The following SNTG1 variants were observed in gnomAD, a reference collection of about 807,000 sequenced individuals.
SNTG1 encodes syntrophin gamma 1.
Under a neutral mutation model 74.7 loss-of-function variants are expected in SNTG1, and 39 were observed. The ratio of observed to expected loss-of-function variants is 0.52; its 90% CI spans 0.40 to 0.68. SNTG1 has a LOEUF of 0.68. Among genes scored for constraint, SNTG1 ranks in the 30% least tolerant of loss-of-function variants. The pLI, the probability that SNTG1 is intolerant of heterozygous loss-of-function variation, is 0.00. For missense variants in SNTG1, 685 were observed against 609.5 expected (o/e 1.12, Z -1.30); for synonymous variants, 254 against 217.1 (o/e 1.17, Z -1.49).
At chr8:50,006,205 C>T (rs1406067485) in intron 1 of SNTG1, among the ~76,000 whole-genome samples, 2 of 152,072 alleles carry the variant, frequency 1.3e-5, no homozygotes, top group African/African-American at 4.8e-5. Flanking sequence ...TTGTGATCCA[C>T]CGGCCTCAGC....
At chr8:50,752,144 T>C (rs1045797532) in intron 18 of SNTG1, 33 bp downstream of exon 18, 1 of 1,198,536 alleles carries the variant, frequency 8.3e-7, no homozygotes, top group South Asian at 1.8e-5. Flanking sequence ...ATAACACCTC[T>C]AACTACATTA....
intron 1 of SNTG1, among the ~76,000 whole-genome samples, chr8:50,008,998 T>C (rs2130541651): frequency 6.7e-6 from 1 of 149,334 alleles, no homozygotes; most frequent in East Asian, 2.0e-4. Context: ...TTGCCTCTTA[T>C]AGGGAATCAA....
intron 9 of SNTG1, among the ~76,000 whole-genome samples, chr8:50,514,416 T>C (rs2094114045): frequency 1.3e-5 from 2 of 152,202 alleles, no homozygotes; most frequent in African/African-American, 4.8e-5. Flanking sequence ...TTTTTGTATG[T>C]TGTGTTTCAT....
chr8:50,622,856 T>C (rs75130465), intron 13 of SNTG1, among the ~76,000 whole-genome samples: 6,543 of 152,208 alleles, frequency 0.043, 244 homozygotes, highest in African/African-American at 0.094. Flanking sequence ...AGATTTCAGT[T>C]ACATCTTCTC....
chr8:50,353,250 T>C (rs1459420713), intron 2 of SNTG1, among the ~76,000 whole-genome samples: 1 of 94,770 alleles, frequency 1.1e-5, no homozygotes, highest in Non-Finnish European at 2.0e-5. Context: ...CACTGGGGCC[T>C]GTCATGAGGT....
chr8:50,299,854 C>A (rs778156950), intron 2 of SNTG1, among the ~76,000 whole-genome samples: 17 of 152,152 alleles, frequency 1.1e-4, no homozygotes, highest in Admixed American at 4.6e-4. Context: ...CGTCTACAAC[C>A]AACTTGCCTG....
Position 50,736,846 on chromosome 8 carries a change from T to G in SNTG1, c.1285-15155T>G, listed in dbSNP as rs568765124. Among the ~76,000 whole-genome samples, 3 of 149,658 alleles carry G rather than the reference T, an allele frequency of 2.0e-5. No individual in the cohort carries two copies. In the Admixed American group the frequency reaches 2.0e-4, roughly 10 times the overall value. On this transcript the variant is annotated intron_variant, in intron 17 of 18. Transcript: ENST00000642720. ...CTACTGGGTAAATAAATGAAATAAATAAGTTATTTGAATCCACTGAGAATA... is the reference window on the plus strand; with the variant it reads ...CTACTGGGTAAATAAATGAAATAAAGAAGTTATTTGAATCCACTGAGAATA...
At chr8:50,671,938 G>A (rs13261218) in intron 15 of SNTG1, among the ~76,000 whole-genome samples, 31,291 of 149,040 alleles carry the variant, frequency 0.21, 3,320 homozygotes, top group Middle Eastern at 0.31. Flanking sequence ...GTAAACTATC[G>A]CAAGGACAAA....
chr8:50,500,235 T>A (rs574709483), intron 8 of SNTG1, among the ~76,000 whole-genome samples: 2 of 151,850 alleles, frequency 1.3e-5, no homozygotes, highest in South Asian at 2.1e-4. Flanking sequence ...TTTTTCTTTT[T>A]TTTTTTTGGT....
intron 2 of SNTG1, among the ~76,000 whole-genome samples, chr8:50,308,201 A>G (rs970424528): frequency 6.6e-6 from 1 of 150,712 alleles, no homozygotes; most frequent in African/African-American, 2.4e-5. Context: ...GACCCCTTTC[A>G]CTCTGGTATT....
chr8:50,206,777 G>A lies in SNTG1; in HGVS notation c.-28+34142G>A, dbSNP rs575678934. Reference sequence around the variant, plus strand: ...TTTATTGAGAGTTTTTAGCATGAAGGGTTGTTGAATTTTGTCAAAGGCCTT... The same window carrying A: ...TTTATTGAGAGTTTTTAGCATGAAGAGTTGTTGAATTTTGTCAAAGGCCTT... On this transcript the variant is annotated intron_variant, in intron 2 of 18. Transcript: ENST00000642720. 8.3e-5 allele frequency among the ~76,000 whole-genome samples: 12 copies of A among 145,400 alleles called. 1 individual carries two copies. The highest frequency in any genetic ancestry group is 6.2e-4 in the South Asian group (3 of 4,826).
At chr8:49,982,799 C>T (rs1221202423) in intron 1 of SNTG1, among the ~76,000 whole-genome samples, 1 of 151,998 alleles carries the variant, frequency 6.6e-6, no homozygotes, top group Non-Finnish European at 1.5e-5. Context: ...GGATATTTGT[C>T]TATTAACACT....
At chr8:50,377,682 T>A (rs986168728) in intron 2 of SNTG1, among the ~76,000 whole-genome samples, 1 of 152,198 alleles carries the variant, frequency 6.6e-6, no homozygotes, top group Non-Finnish European at 1.5e-5. Flanking sequence ...TTTTATCATA[T>A]AAAGCAAAAT....
At chr8:50,185,254 A>C (rs2083337862) in intron 2 of SNTG1, among the ~76,000 whole-genome samples, 1 of 152,196 alleles carries the variant, frequency 6.6e-6, no homozygotes, top group Admixed American at 6.5e-5. Context: ...TTTTATAAGC[A>C]TATCACATAA....
chr8:50,224,650 G>A (rs2085238632), intron 2 of SNTG1, among the ~76,000 whole-genome samples: 1 of 152,160 alleles, frequency 6.6e-6, no homozygotes, highest in African/African-American at 2.4e-5. Context: ...TTAAGGTAAA[G>A]CTGAAGTTCT....
In SNTG1 at chr8:50,545,324, G is replaced by A. The variant is rs538825196; in HGVS notation, c.681-7726G>A. 3.0e-3 allele frequency among the ~76,000 whole-genome samples: 455 copies of A among 151,450 alleles called. 4 individuals carry two copies. Among genetic ancestry groups the A allele is most frequent in the African/African-American group, 0.011 (442 of 41,404 alleles). On this transcript the variant is annotated intron_variant, in intron 11 of 18. Coordinates refer to ENST00000642720, the MANE Select transcript of SNTG1 (RefSeq NM_018967.5). Reference sequence around the variant, plus strand: ...GATATAAATATCTGCTTTAAATTTTGAAGTATGTTATAATATTGCAGTGTC... The same window carrying A: ...GATATAAATATCTGCTTTAAATTTTAAAGTATGTTATAATATTGCAGTGTC...
chr8:49,950,375 G>C (rs1161715772), intron 1 of SNTG1, among the ~76,000 whole-genome samples: 1 of 152,072 alleles, frequency 6.6e-6, no homozygotes, highest in South Asian at 2.1e-4. Context: ...GAATGATTTT[G>C]AAAAACTGCT....
chr8:50,243,590 G>T (rs1586821013), intron 2 of SNTG1, among the ~76,000 whole-genome samples: 1 of 152,112 alleles, frequency 6.6e-6, no homozygotes, highest in African/African-American at 2.4e-5. Flanking sequence ...CAGGGACACA[G>T]AACTCACTAG....
intron 1 of SNTG1, among the ~76,000 whole-genome samples, chr8:50,087,462 G>A (rs1431247572): frequency 1.3e-5 from 2 of 152,106 alleles, no homozygotes; most frequent in Admixed American, 6.6e-5. Flanking sequence ...TCTTTACACA[G>A]TGTCAAAATC....
Sources: allele counts gnomAD v4.1 joint callset (sites outside exome capture counted in the v4.1 genomes callset), GRCh38; gene constraint gnomAD v4.1.1; transcripts MANE v1.5; gene names NCBI Gene and HGNC (gene_info 2026-07-23, HGNC 2026-07-21).